Variants in DENND2B observed in about 807,000 individuals in gnomAD.
The protein encoded by DENND2B is DENN domain-containing protein 2B.
A neutral mutation model predicts 116.0 loss-of-function variants in DENND2B; 32 were observed. The ratio of observed to expected loss-of-function variants is 0.28; its 90% CI spans 0.21 to 0.37. DENND2B has a LOEUF of 0.37. DENND2B is among the 10% of genes least tolerant of loss of function. The pLI is 1.00. For missense variants in DENND2B, 1,276 were observed against 1,477.7 expected (o/e 0.86, Z 2.24); for synonymous variants, 588 against 583.9 (o/e 1.01, Z -0.10).
At chr11:8,727,479 G>A (rs537933564) in intron 3 of DENND2B, among the ~76,000 whole-genome samples, 3 of 152,280 alleles carry the variant, frequency 2.0e-5, no homozygotes, top group East Asian at 1.9e-4. Context: ...TCAGACTCTT[G>A]TGAGGGGTTC....
chr11:8,731,521 G>A (rs1214861143), intron 2 of DENND2B, among the ~76,000 whole-genome samples: 1 of 152,120 alleles, frequency 6.6e-6, no homozygotes, highest in East Asian at 1.9e-4. Flanking sequence ...CCAGTAAGAG[G>A]ACAGAAAGCC....
chr11:8,722,353 C>T (rs1057419237), intron 4 of DENND2B, among the ~76,000 whole-genome samples: 3 of 152,186 alleles, frequency 2.0e-5, no homozygotes, highest in Admixed American at 6.5e-5. Context: ...TGGAGATGAG[C>T]ACTAGGCTCT....
chr11:8,749,402 A>C (rs1410558388), intron 2 of DENND2B, among the ~76,000 whole-genome samples: 1 of 152,236 alleles, frequency 6.6e-6, no homozygotes, highest in East Asian at 1.9e-4. Flanking sequence ...TGCTGCTGCA[A>C]GTGGATAGTC....
chr11:8,782,886 CAAAA>C (rs66930048), intron 1 of DENND2B, among the ~76,000 whole-genome samples: 33,876 of 98,448 alleles, frequency 0.34, 4,395 homozygotes, highest in Middle Eastern at 0.48. Flanking sequence ...GACTCTGTCT[CAAAA>C]AAAAAAAAAA....
chr11:8,770,945 T>G (rs1241359303), intron 1 of DENND2B, among the ~76,000 whole-genome samples: 1 of 152,202 alleles, frequency 6.6e-6, no homozygotes, highest in Non-Finnish European at 1.5e-5. Context: ...ACTCATCTCC[T>G]AGCCTCTCTG....
In DENND2B at chr11:8,702,267, C is replaced by G. The variant is rs1166462170; in HGVS notation, c.2720+305G>C. Among the ~76,000 whole-genome samples, 2 of 152,164 alleles carry G rather than the reference C, an allele frequency of 1.3e-5. No individual in the cohort carries two copies. The highest frequency in any genetic ancestry group is 6.5e-5 in the Admixed American group (1 of 15,284). On this transcript the variant is annotated intron_variant, in intron 14 of 19. Coordinates refer to ENST00000313726, the MANE Select transcript of DENND2B (RefSeq NM_213618.2). This position sits in a 1 kb window ranked among gnomAD's most constrained non-coding sequence, Gnocchi z 4.6. ...CCACCAAAAATCTCAATTTCTTAACCTTTCCCCTTTACATATCCCGGCACC... is the reference window on the plus strand; with the variant it reads ...CCACCAAAAATCTCAATTTCTTAACGTTTCCCCTTTACATATCCCGGCACC...
rs1015219572 is a variant in DENND2B, at chr11:8,863,411, T to C, written c.-249-5975A>G. ...CCACGCCTGGCTAATTTTTTTGTAT[T>C]TTTAGTAGAGAAGGGGTTTCACCAT... On this transcript the variant is annotated intron_variant, in intron 2 of 6. Transcript: ENST00000524757. Among the ~76,000 whole-genome samples, 6 of 149,934 alleles carry C rather than the reference T, an allele frequency of 4.0e-5. No individual in the cohort carries two copies. The East Asian group carries it at 9.8e-4, about 25-fold the overall frequency.
chr11:8,854,314 GC>G (rs1005669271), intron 3 of DENND2B, among the ~76,000 whole-genome samples: 1 of 151,950 alleles, frequency 6.6e-6, no homozygotes, highest in African/African-American at 2.4e-5. Flanking sequence ...CAATTCTCCT[GC>G]CTCAGCCTCC....
chr11:8,795,714 A>G (rs2059756258), intron 1 of DENND2B, among the ~76,000 whole-genome samples: 1 of 152,140 alleles, frequency 6.6e-6, no homozygotes, highest in South Asian at 2.1e-4. Flanking sequence ...TTTCTTTTCT[A>G]CAAATCATAT....
chr11:8,811,331 T>C (rs1300029213), upstream of DENND2B: 1 of 398,452 alleles, frequency 2.5e-6, no homozygotes, highest in Non-Finnish European at 4.4e-6. Flanking sequence ...CAGTCTCTCA[T>C]CTTCCTGAAA....
chr11:8,830,576 T>G (rs1194320524), intron 4 of DENND2B: 1 of 152,204 alleles, frequency 6.6e-6, no homozygotes, highest in South Asian at 2.1e-4. Context: ...TGCCTGATGG[T>G]GGAAAGAAAG....
chr11:8,701,067 G>A (rs1592362204), intron 14 of DENND2B, among the ~76,000 whole-genome samples: 1 of 152,220 alleles, frequency 6.6e-6, no homozygotes, highest in South Asian at 2.1e-4. Flanking sequence ...GATTACAGGC[G>A]TGAGCCACTG....
chr11:8,904,248 A>T (rs1379438748), intron 1 of DENND2B, among the ~76,000 whole-genome samples: 1 of 152,212 alleles, frequency 6.6e-6, no homozygotes, highest in Non-Finnish European at 1.5e-5. Context: ...TTCATTCAAC[A>T]CATGTTAATA....
chr11:8,735,147 G>A (rs2048796943), intron 2 of DENND2B, among the ~76,000 whole-genome samples: 2 of 152,202 alleles, frequency 1.3e-5, no homozygotes, highest in Admixed American at 6.5e-5. Flanking sequence ...CAATGTGGCA[G>A]TGGAAATTGA....
chr11:8,836,620 C>T (rs184955366), intron 4 of DENND2B, among the ~76,000 whole-genome samples: 11 of 152,012 alleles, frequency 7.2e-5, no homozygotes, highest in African/African-American at 2.7e-4. Flanking sequence ...TGAAGTTTCA[C>T]CATGTTGGCC....
At chr11:8,716,553 C>G (rs1334306930) in intron 5 of DENND2B, among the ~76,000 whole-genome samples, 1 of 152,226 alleles carries the variant, frequency 6.6e-6, no homozygotes, top group Non-Finnish European at 1.5e-5. Context: ...AATCCTCCTT[C>G]CTCCACAGCC....
intron 1 of DENND2B, among the ~76,000 whole-genome samples, chr11:8,905,174 T>C (rs1417418020): frequency 6.6e-6 from 1 of 152,086 alleles, no homozygotes; most frequent in Non-Finnish European, 1.5e-5. Flanking sequence ...CAATACAGTA[T>C]AATATGGCAT....
chr11:8,853,000 G>C (rs35580466), intron 3 of DENND2B, among the ~76,000 whole-genome samples: 31,971 of 152,130 alleles, frequency 0.21, 3,826 homozygotes, highest in Middle Eastern at 0.36. Flanking sequence ...ATGGTATTAA[G>C]AGGTGGGGCC....
At chr11:8,832,564 T>G (rs1354943975) in intron 4 of DENND2B, 1 of 147,930 alleles carries the variant, frequency 6.8e-6, no homozygotes, top group Non-Finnish European at 1.5e-5. Context: ...CTGGTTACCT[T>G]CCATGGCTGG....
Sources: gnomAD v4.1 joint callset for allele counts (sites outside exome capture counted in the v4.1 genomes callset) on GRCh38, gnomAD v4.1.1 for gene constraint, Gnocchi (gnomAD v3.1) non-coding constraint, MANE v1.5 for transcripts, NCBI Gene and HGNC (gene_info 2026-07-23, HGNC 2026-07-21) for gene names.